STAT3: variants seen among roughly 807,000 people sequenced by gnomAD.
The protein encoded by STAT3 is signal transducer and activator of transcription 3.
In STAT3, 7 loss-of-function variants were observed where a neutral mutation model predicts 114.3. That is an observed-to-expected ratio of 0.06 (90% CI 0.03 to 0.11). The LOEUF is 0.11. STAT3 is among the 10% of genes least tolerant of loss of function. The pLI is 1.00. For synonymous variants in STAT3, 331 were observed against 354.5 expected, an observed-to-expected ratio of 0.93 and a Z score of 0.74; for missense variants, 364 against 960.9, an observed-to-expected ratio of 0.38 and a Z score of 8.21.
At position 42,315,807 on chromosome 17, in the gene STAT3, G is replaced by A. The variant is rs762936871; in HGVS notation, c.2258-7C>T. The A allele has an allele frequency of 1.9e-6, 3 of 1,613,908 alleles. No homozygotes were observed. Among genetic ancestry groups the A allele is most frequent in the Admixed American group, 3.3e-5 (2 of 59,974 alleles). On this transcript the variant is annotated splice_polypyrimidine_tract_variant and splice_region_variant and intron_variant, in intron 23 of 23. Coordinates refer to ENST00000264657, the MANE Select transcript of STAT3 (RefSeq NM_139276.3). ...ATGTCAAAGGTGAGGGACTCTGGAG[G>A]GACAGACAGGGAAAACTAGTTCAGT... is the stretch of plus-strand genomic sequence containing the variant.
chr17:42,375,875 G>A (rs538559893), intron 1 of STAT3, among the ~76,000 whole-genome samples: 11 of 151,746 alleles, frequency 7.2e-5, no homozygotes, highest in Admixed American at 5.9e-4. Flanking sequence ...TAATAGAGCC[G>A]GGCGCAATGG....
At position 42,333,177 on chromosome 17, in the gene STAT3, G is replaced by A. The variant is rs970986646; in HGVS notation, c.1049+496C>T. Among the ~76,000 whole-genome samples the A allele has an allele frequency of 1.3e-5, 2 of 152,090 alleles. No individual in the cohort carries two copies. The highest frequency in any genetic ancestry group is 1.9e-4 in the East Asian group (1 of 5,178). On this transcript the variant is annotated intron_variant, in intron 10 of 23. Coordinates refer to ENST00000264657, the MANE Select transcript of STAT3 (RefSeq NM_139276.3). This position sits in a 1 kb window ranked among gnomAD's most constrained non-coding sequence, Gnocchi z 5.2. ...ATTTTGTTCTATTAATCCTGAAACC[G>A]AACACCATACTAAGTTTCTGAGGAG... is the stretch of plus-strand genomic sequence containing the variant.
At chr17:42,372,445 AGCCAATCTGAAAAG>A (rs1175429538) in intron 1 of STAT3, among the ~76,000 whole-genome samples, 1 of 152,236 alleles carries the variant, frequency 6.6e-6, no homozygotes, top group Admixed American at 6.5e-5. Flanking sequence ...TACTGAAAGA[AGCCAATCTGAAAAG>A]GCTACACACT....
At chr17:42,339,504 G>T in intron 4 of STAT3, 95 bp from the exon 5 acceptor site, 1 of 1,289,460 alleles carries the variant, frequency 7.8e-7, no homozygotes, top group Non-Finnish European at 1.1e-6. Context: ...TACCCTTCTT[G>T]TTTGGCTTGA....
intron 8 of STAT3, among the ~76,000 whole-genome samples, chr17:42,335,390 C>T (rs2082189658): frequency 2.6e-5 from 4 of 152,146 alleles, no homozygotes. Flanking sequence ...TGGGATCTCA[C>T]TTTGTTGCCC....
intron 1 of STAT3, among the ~76,000 whole-genome samples, chr17:42,350,467 G>T (rs933675438): frequency 6.6e-6 from 1 of 152,072 alleles, no homozygotes; most frequent in African/African-American, 2.4e-5. Flanking sequence ...AAAAATTTTT[G>T]TAGAGATAGG....
intron 14 of STAT3, among the ~76,000 whole-genome samples, chr17:42,326,590 A>T (rs1380461694): frequency 6.6e-6 from 1 of 152,076 alleles, no homozygotes; most frequent in Admixed American, 6.6e-5. Context: ...AGGCCGAGGC[A>T]GGTGGATCAC....
At position 42,322,587 on chromosome 17, in the gene STAT3, A is replaced by C; in HGVS notation, c.1889-93T>G. ...ATTTTTTCTTTCCTCGAAGGGGAAA[A>C]GACTTAAGCCACCCTAGTGTTGAGA... On this transcript the variant is annotated intron_variant, in intron 20 of 23. Transcript: ENST00000264657. 3 of 1,384,912 alleles carry C rather than the reference A, an allele frequency of 2.2e-6. No homozygotes were observed. The Admixed American group carries it at 5.0e-5, about 23-fold the overall frequency. The allele number at this position is 1,384,912 out of a possible 1,614,324, so 85.8% of individuals were successfully genotyped here.
Position 42,343,482 on chromosome 17 carries a change from G to A in STAT3, c.372+2077C>T, listed in dbSNP as rs1052143155. Among the ~76,000 whole-genome samples the A allele has an allele frequency of 1.7e-4, 22 of 126,648 alleles. 1 individual carries two copies. The highest frequency in any genetic ancestry group is 5.3e-4 in the Admixed American group (6 of 11,284). The allele number at this position is 126,648 out of a possible 152,430, so 83.1% of individuals were successfully genotyped here. ...TTTTTTTTTTTTTTTTTTTTCAGTC[G>A]GAGTCTCGCTCTGTCGCCCAGGAGT... On this transcript the variant is annotated intron_variant, in intron 4 of 23. Transcript: ENST00000264657.
At chr17:42,373,884 CA>C (rs34354144) in intron 1 of STAT3, among the ~76,000 whole-genome samples, 50,285 of 106,630 alleles carry the variant, frequency 0.47, 7,946 homozygotes, top group South Asian at 0.54. Context: ...GACTCCGTCT[CA>C]AAAAAAAAAA....
chr17:42,378,877 G>T (rs8071537), intron 1 of STAT3, among the ~76,000 whole-genome samples: 53,679 of 151,922 alleles, frequency 0.35, 9,709 homozygotes, highest in South Asian at 0.46. Flanking sequence ...TTGCTAAAAA[G>T]CAAAACAAAA....
At chr17:42,363,615 CTT>C (rs78016340) in intron 1 of STAT3, among the ~76,000 whole-genome samples, 28 of 136,008 alleles carry the variant, frequency 2.1e-4, no homozygotes, top group Admixed American at 3.0e-4. Context: ...GGATAATTTT[CTT>C]TTTTTTTTTT....
chr17:42,326,251 T>G (rs1435235354), intron 14 of STAT3, 52 bp from the exon 15 acceptor site: 4 of 1,538,944 alleles, frequency 2.6e-6, no homozygotes, highest in Non-Finnish European at 1.8e-6. Flanking sequence ...CTCATGCCTG[T>G]AATCCCAGCA....
In STAT3 at chr17:42,314,647, AC is replaced by A. The variant is rs1222946301; in HGVS notation, c.*1097del. 1 of 228,826 alleles carries A rather than the reference AC, an allele frequency of 4.4e-6. No individual in the cohort carries two copies. Among genetic ancestry groups the A allele is most frequent in the Non-Finnish European group, 8.7e-6 (1 of 114,988 alleles). The allele number at this position is 228,826 out of a possible 1,614,324, so 14.2% of individuals were successfully genotyped here. On this transcript the variant is annotated 3_prime_UTR_variant, in exon 24 of 24. Coordinates refer to ENST00000264657, the MANE Select transcript of STAT3 (RefSeq NM_139276.3). Reference sequence around the variant, plus strand: ...TTACTCACTAAAAGGCCAATACATTACAAAGGAAAATAAGTCTATTTATAAA... The same window carrying A: ...TTACTCACTAAAAGGCCAATACATTAAAAGGAAAATAAGTCTATTTATAAA...
rs767569146 is a variant in STAT3, at chr17:42,322,508, T to C, written c.1889-14A>G. 18 of 1,613,930 alleles carry C rather than the reference T, an allele frequency of 1.1e-5. No homozygotes were observed. In the Admixed American group the frequency reaches 1.7e-4, roughly 15 times the overall value. On this transcript the variant is annotated splice_polypyrimidine_tract_variant and intron_variant, in intron 20 of 23. Coordinates refer to ENST00000264657, the MANE Select transcript of STAT3 (RefSeq NM_139276.3). ...TCTGGGTCTTACCTGTCACAGGACA[T>C]GGGAAGGAAAGATCATGGAACCTAC... is the stretch of plus-strand genomic sequence containing the variant.
At position 42,315,436 on chromosome 17, in the gene STAT3, G is replaced by T; in HGVS notation, c.*309C>A. 2.0e-6 allele frequency: 1 copy of T among 512,174 alleles called. No individual in the cohort carries two copies. The highest frequency in any genetic ancestry group is 3.5e-6 in the Non-Finnish European group (1 of 281,744). The allele number at this position is 512,174 out of a possible 1,614,324, so 31.7% of individuals were successfully genotyped here. ...AAAAGCTGCTGAGAAAGGAGGGCAG[G>T]GGAACAAAACAACACAAGACATTTC... On this transcript the variant is annotated 3_prime_UTR_variant, in exon 24 of 24. Transcript: ENST00000264657.
intron 14 of STAT3, among the ~76,000 whole-genome samples, chr17:42,328,057 A>AAAAAAGC (rs1346883592): frequency 6.6e-6 from 1 of 151,816 alleles, no homozygotes; most frequent in African/African-American, 2.4e-5. Flanking sequence ...AAGAAAAAAG[A>AAAAAAGC]AATTAAATTA....
Position 42,388,260 on chromosome 17 carries a change from C to T in STAT3, c.-24+19G>A, listed in dbSNP as rs1440026150. 8.1e-7 allele frequency: 1 copy of T among 1,231,896 alleles called. No individual in the cohort carries two copies. The highest frequency in any genetic ancestry group is 1.5e-5 in the African/African-American group (1 of 64,534). 76.3% of individuals were successfully genotyped at this position (1,231,896 alleles called of 1,614,324 possible). A position where few individuals can be genotyped will look rare whatever the true frequency, so the allele number is the denominator to read the frequency against. ...GGTCCCCAGGCCTCCCCAACGGCCC[C>T]ACCCTGCACCCCCTTCACCTGTTTC... is the stretch of plus-strand genomic sequence containing the variant. On this transcript the variant is annotated intron_variant, in intron 1 of 23. Coordinates refer to ENST00000264657, the MANE Select transcript of STAT3 (RefSeq NM_139276.3).
At chr17:42,348,266 T>C in intron 2 of STAT3, 123 bp downstream of exon 2, 1 of 1,410,410 alleles carries the variant, frequency 7.1e-7, no homozygotes, top group Non-Finnish European at 9.9e-7. Context: ...CCTGATCTCA[T>C]TTTCCCCATC....
Sources: gnomAD v4.1 joint callset for allele counts (sites outside exome capture counted in the v4.1 genomes callset) on GRCh38, gnomAD v4.1.1 for gene constraint, Gnocchi (gnomAD v3.1) non-coding constraint, MANE v1.5 for transcripts, NCBI Gene and HGNC (gene_info 2026-07-23, HGNC 2026-07-21) for gene names.